The following AGPAT4 variants were observed in gnomAD, a reference collection of about 807,000 sequenced individuals.
AGPAT4 encodes 1-acylglycerol-3-phosphate O-acyltransferase 4.
A neutral mutation model predicts 48.0 loss-of-function variants in AGPAT4; 15 were observed. That is an observed-to-expected ratio of 0.31 (90% CI 0.21 to 0.48). AGPAT4 has a LOEUF of 0.48. Ranked by LOEUF, AGPAT4 falls within the 20% of genes least tolerant of loss-of-function variation. AGPAT4 has a pLI of 0.99. For synonymous variants in AGPAT4, 178 were observed against 198.7 expected (o/e 0.90, Z 0.88); for missense variants, 314 against 482.5 (o/e 0.65, Z 3.27).
chr6:161,194,574 GTGTGTA>G (rs1562332852), intron 2 of AGPAT4, among the ~76,000 whole-genome samples: 36 of 147,842 alleles, frequency 2.4e-4, no homozygotes, highest in African/African-American at 8.8e-4. Flanking sequence ...GTATGTGTAT[GTGTGTA>G]TATATGTGTA....
In AGPAT4 at chr6:161,146,151, G is replaced by T. The variant is rs867467629; in HGVS notation, c.843+373C>A. Among the ~76,000 whole-genome samples, 5 of 151,542 alleles carry T rather than the reference G, an allele frequency of 3.3e-5. 1 individual carries two copies. Among genetic ancestry groups the T allele is most frequent in the African/African-American group, 9.8e-5 (4 of 40,832 alleles). On this transcript the variant is annotated intron_variant, in intron 7 of 8. Transcript: ENST00000320285. This position sits in a 1 kb window ranked among gnomAD's most constrained non-coding sequence, Gnocchi z 7.1. ...CCTGCTTATTCTGGAGATGCTTTGA[G>T]ATCAGATTGACAACCAAATTGTTGA... is the stretch of plus-strand genomic sequence containing the variant.
At chr6:161,194,557 CATGTGTGTATGTGT>C (rs1462710368) in intron 2 of AGPAT4, among the ~76,000 whole-genome samples, 1 of 146,012 alleles carries the variant, frequency 6.8e-6, no homozygotes, top group South Asian at 2.3e-4. Flanking sequence ...TGTATGTGTG[CATGTGTGTATGTGT>C]ATGTGTGTAT....
In AGPAT4 at chr6:161,262,155, TC is replaced by T. The variant is rs1783122107; in HGVS notation, c.-90+11782del. On this transcript the variant is annotated intron_variant, in intron 1 of 8. Coordinates refer to ENST00000320285, the MANE Select transcript of AGPAT4 (RefSeq NM_020133.3). This position sits in a 1 kb window ranked among gnomAD's most constrained non-coding sequence, Gnocchi z 4.9. The stretch of plus-strand genomic sequence containing the variant: ...GTCACCCTCTTCTGGCTAGCCACCC[TC>T]CTTCTATCCTGAGGTTCCAGTCCTC... Among the ~76,000 whole-genome samples the T allele has an allele frequency of 6.6e-6, 1 of 152,072 alleles. No homozygotes were observed. The highest frequency in any genetic ancestry group is 1.5e-5 in the Non-Finnish European group (1 of 67,996).
chr6:161,151,237 T>C (rs1204729316), intron 5 of AGPAT4, among the ~76,000 whole-genome samples: 8 of 152,192 alleles, frequency 5.3e-5, no homozygotes, highest in African/African-American at 1.9e-4. Flanking sequence ...AATGTCCTTA[T>C]CTGTGAACCG....
Position 161,196,391 on chromosome 6 carries a change from G to T in AGPAT4, c.179-29974C>A, listed in dbSNP as rs1781065167. ...CAAATAACACCTAGTGCCTGGGTTG[G>T]GGATGATTAAGTCAGTGAGGGGTAG... On this transcript the variant is annotated intron_variant, in intron 2 of 8. Transcript: ENST00000320285. This position sits in a 1 kb window ranked among gnomAD's most constrained non-coding sequence, Gnocchi z 4.3. 6.6e-6 allele frequency among the ~76,000 whole-genome samples: 1 copy of T among 152,140 alleles called. No individual in the cohort carries two copies. Among genetic ancestry groups the T allele is most frequent in the African/African-American group, 2.4e-5 (1 of 41,446 alleles).
intron 2 of AGPAT4, among the ~76,000 whole-genome samples, chr6:161,182,288 C>G (rs1286250038): frequency 6.7e-6 from 1 of 149,096 alleles, no homozygotes; most frequent in African/African-American, 2.5e-5. Context: ...AGCACCTCAT[C>G]CCAGCCTCTC....
At chr6:161,145,527 T>C (rs113744449) in intron 7 of AGPAT4, among the ~76,000 whole-genome samples, 2 of 151,622 alleles carry the variant, frequency 1.3e-5, no homozygotes, top group African/African-American at 2.4e-5. Flanking sequence ...CTAAAGGTGA[T>C]GGCAAGTCTT....
intron 2 of AGPAT4, among the ~76,000 whole-genome samples, chr6:161,174,661 T>G (rs1011300403): frequency 1.3e-5 from 2 of 152,216 alleles, no homozygotes; most frequent in African/African-American, 4.8e-5. Flanking sequence ...CTGATTGCCC[T>G]GGCCAGAACT....
intron 2 of AGPAT4, among the ~76,000 whole-genome samples, chr6:161,224,640 C>CAAA (rs71543000): frequency 0.031 from 2,471 of 78,498 alleles, 58 homozygotes; most frequent in Non-Finnish European, 0.04. Flanking sequence ...GACTCCTTCT[C>CAAA]AAAAAAAAAA....
rs1475930043 is a variant in AGPAT4 at position 161,208,865 on chromosome 6, A to G, written c.178+23171T>C. On this transcript the variant is annotated intron_variant, in intron 2 of 8. Coordinates refer to ENST00000320285, the MANE Select transcript of AGPAT4 (RefSeq NM_020133.3). The surrounding 1 kb of genome is among the most constrained non-coding windows in gnomAD (Gnocchi z 4.6). ...CCAGGATGAAATGCACAGCTGCCTA[A>G]CAGGAAAAAAATCATTAATAATCAG... 6.6e-6 allele frequency among the ~76,000 whole-genome samples: 1 copy of G among 152,230 alleles called. No individual in the cohort carries two copies. The highest frequency in any genetic ancestry group is 3.2e-3 in the Middle Eastern group (1 of 314).
At position 161,161,085 on chromosome 6, in the gene AGPAT4, C is replaced by T. The variant is rs896768306; in HGVS notation, c.348+5163G>A. The T allele has an allele frequency of 8.8e-6, 4 of 456,584 alleles. No individual in the cohort carries two copies. The highest frequency in any genetic ancestry group is 4.0e-5 in the African/African-American group (2 of 50,074). 28.3% of individuals were successfully genotyped at this position (456,584 alleles called of 1,614,324 possible). On this transcript the variant is annotated intron_variant, in intron 3 of 8. Transcript: ENST00000320285. This position sits in a 1 kb window ranked among gnomAD's most constrained non-coding sequence, Gnocchi z 4.6. The stretch of plus-strand genomic sequence containing the variant: ...TACAGCAGACAGCACAGGCTGTGAC[C>T]GTTTGCTGAGGGCTGCGCACAGAGG...
chr6:161,222,457 G>A lies in AGPAT4; in HGVS notation c.178+9579C>T, dbSNP rs1382437330. Among the ~76,000 whole-genome samples, 1 of 152,100 alleles carries A rather than the reference G, an allele frequency of 6.6e-6. No individual in the cohort carries two copies. Among genetic ancestry groups the A allele is most frequent in the Non-Finnish European group, 1.5e-5 (1 of 68,016 alleles). ...GTCTATATTTATAAAATTGGTATTAGAATGTACCAAGAGTTTTGTATTGTG... is the reference window on the plus strand; with the variant it reads ...GTCTATATTTATAAAATTGGTATTAAAATGTACCAAGAGTTTTGTATTGTG... On this transcript the variant is annotated intron_variant, in intron 2 of 8. Transcript: ENST00000320285. The surrounding 1 kb of genome is among the most constrained non-coding windows in gnomAD (Gnocchi z 5.9).
Position 161,144,853 on chromosome 6 carries a change from T to C in AGPAT4, c.843+1671A>G, listed in dbSNP as rs4327670. ...AAAATTAGCCGGGCATGGTGGCGGG[T>C]GCCTGTAGTCCCAGATATTTGGGAG... On this transcript the variant is annotated intron_variant, in intron 7 of 8. Coordinates refer to ENST00000320285, the MANE Select transcript of AGPAT4 (RefSeq NM_020133.3). The surrounding 1 kb of genome is among the most constrained non-coding windows in gnomAD (Gnocchi z 6.6). Among the ~76,000 whole-genome samples the C allele has an allele frequency of 0.077, 11,676 of 151,870 alleles. 1,289 individuals are homozygous for C. The highest frequency in any genetic ancestry group is 0.25 in the African/African-American group (10,247 of 41,276).
intron 2 of AGPAT4, among the ~76,000 whole-genome samples, chr6:161,224,289 G>A (rs1029682613): frequency 1.3e-5 from 2 of 152,174 alleles, no homozygotes; most frequent in African/African-American, 2.4e-5. Context: ...TGTTAATGCT[G>A]ATTAGTATAA....
At position 161,264,142 on chromosome 6, in the gene AGPAT4, TAA is replaced by T. The variant is rs1425703721; in HGVS notation, c.-90+9794_-90+9795del. 3.9e-5 allele frequency among the ~76,000 whole-genome samples: 6 copies of T among 152,216 alleles called. No individual in the cohort carries two copies. Reference sequence around the variant, plus strand: ...GATCACCTTATAAGGTGTAATATGATAAGTGACCATTTGGGAAGAATATGATT... The same window carrying T: ...GATCACCTTATAAGGTGTAATATGATGTGACCATTTGGGAAGAATATGATT... On this transcript the variant is annotated intron_variant, in intron 1 of 8. Transcript: ENST00000320285. This position sits in a 1 kb window ranked among gnomAD's most constrained non-coding sequence, Gnocchi z 6.8.
In AGPAT4 at chr6:161,229,829, G is replaced by C. The variant is rs927094445; in HGVS notation, c.178+2207C>G. ...CCAAAGCCCTAGGAAGCCTTCCTCC[G>C]GGGACATAGGCAAAGGTCATTGCTG... On this transcript the variant is annotated intron_variant, in intron 2 of 8. Transcript: ENST00000320285. This position sits in a 1 kb window ranked among gnomAD's most constrained non-coding sequence, Gnocchi z 6.0. 6.6e-6 allele frequency among the ~76,000 whole-genome samples: 1 copy of C among 152,068 alleles called. No individual in the cohort carries two copies. Among genetic ancestry groups the C allele is most frequent in the South Asian group, 2.1e-4 (1 of 4,816 alleles).
rs1394179405 is a variant in AGPAT4, at chr6:161,233,505, T to G, written c.-89-1203A>C. On this transcript the variant is annotated intron_variant, in intron 1 of 8. Coordinates refer to ENST00000320285, the MANE Select transcript of AGPAT4 (RefSeq NM_020133.3). This position sits in a 1 kb window ranked among gnomAD's most constrained non-coding sequence, Gnocchi z 5.4. Reference sequence around the variant, plus strand: ...TATACAGATGGTCCTCGACTTATGATTCCACTGAAAATTTCCAGCTTTACG... The same window carrying G: ...TATACAGATGGTCCTCGACTTATGAGTCCACTGAAAATTTCCAGCTTTACG... 6.6e-6 allele frequency among the ~76,000 whole-genome samples: 1 copy of G among 152,220 alleles called. No individual in the cohort carries two copies. Among genetic ancestry groups the G allele is most frequent in the Non-Finnish European group, 1.5e-5 (1 of 68,042 alleles).
rs111815533 is a variant in AGPAT4 at position 161,169,986 on chromosome 6, C to T, written c.179-3569G>A. On this transcript the variant is annotated intron_variant, in intron 2 of 8. Transcript: ENST00000320285. The surrounding 1 kb of genome is among the most constrained non-coding windows in gnomAD (Gnocchi z 5.0). ...ACTGCTCCTCCTTCCCCTGGATCCC[C>T]GCCAGCTTCTCTGAATCCCAGGCCA... Among the ~76,000 whole-genome samples the T allele has an allele frequency of 1.0e-3, 156 of 152,302 alleles. No homozygotes were observed. Among genetic ancestry groups the T allele is most frequent in the Non-Finnish European group, 1.3e-3 (91 of 68,020 alleles).
At position 161,221,917 on chromosome 6, in the gene AGPAT4, A is replaced by G. The variant is rs529529780; in HGVS notation, c.178+10119T>C. On this transcript the variant is annotated intron_variant, in intron 2 of 8. Transcript: ENST00000320285. The surrounding 1 kb of genome is among the most constrained non-coding windows in gnomAD (Gnocchi z 4.5). ...TGGCCTCATCTTAACTTGATCATCTATGAAGACTCTATTTCCAAACAAGTT... is the reference window on the plus strand; with the variant it reads ...TGGCCTCATCTTAACTTGATCATCTGTGAAGACTCTATTTCCAAACAAGTT... Among the ~76,000 whole-genome samples the G allele has an allele frequency of 6.6e-6, 1 of 152,322 alleles. No individual in the cohort carries two copies. The highest frequency in any genetic ancestry group is 1.5e-5 in the Non-Finnish European group (1 of 68,036).
Sources: gnomAD v4.1 joint callset for allele counts (sites outside exome capture counted in the v4.1 genomes callset) on GRCh38, gnomAD v4.1.1 for gene constraint, Gnocchi (gnomAD v3.1) non-coding constraint, MANE v1.5 for transcripts, NCBI Gene and HGNC (gene_info 2026-07-23, HGNC 2026-07-21) for gene names.